Variants in PGD observed in about 807,000 individuals in gnomAD.
PGD encodes 6-phosphogluconate dehydrogenase, decarboxylating.
A neutral mutation model predicts 60.4 loss-of-function variants in PGD; 21 were observed. The ratio of observed to expected loss-of-function variants is 0.35; its 90% CI spans 0.25 to 0.50. PGD has a LOEUF of 0.50. Ranked by LOEUF, PGD falls within the 20% of genes least tolerant of loss-of-function variation. The pLI is 0.98. For missense variants in PGD, 477 were observed against 613.1 expected (o/e 0.78, Z 2.34); for synonymous variants, 230 against 235.9 (o/e 0.97, Z 0.23).
rs1331033256 is a variant in PGD, at chr1:10,418,772, T to C, written c.1110-54T>C. The C allele has an allele frequency of 7.5e-6, 6 of 798,398 alleles. No individual in the cohort carries two copies. The East Asian group carries it at 1.6e-4, about 22-fold the overall frequency. The allele number at this position is 798,398 out of a possible 1,614,324, so 49.5% of individuals were successfully genotyped here. ...CCTGGTGACAAAGCGGGACTCCGTCTCAAAAAAAAAAAAAAAAAGACTCAT... is the reference window on the plus strand; with the variant it reads ...CCTGGTGACAAAGCGGGACTCCGTCCCAAAAAAAAAAAAAAAAAGACTCAT... On this transcript the variant is annotated intron_variant, in intron 10 of 12. Coordinates refer to ENST00000270776, the MANE Select transcript of PGD (RefSeq NM_002631.4).
intron 6 of PGD, among the ~76,000 whole-genome samples, chr1:10,410,870 A>G (rs966877420): frequency 3.3e-5 from 5 of 151,760 alleles, no homozygotes; most frequent in African/African-American, 1.2e-4. Flanking sequence ...AAATATAAAT[A>G]TAATGATGGG....
At chr1:10,419,173 A>AG (rs1639646865) in intron 11 of PGD, among the ~76,000 whole-genome samples, 1 of 130,190 alleles carries the variant, frequency 7.7e-6, no homozygotes, top group Non-Finnish European at 1.6e-5. Flanking sequence ...ATACCTGGCT[A>AG]ATTTTTTTTT....
intron 8 of PGD, among the ~76,000 whole-genome samples, chr1:10,416,768 A>C (rs1010278940): frequency 6.6e-6 from 1 of 152,176 alleles, no homozygotes; most frequent in African/African-American, 2.4e-5. Context: ...AAGGAATGTC[A>C]CAAGGTTAAT....
intron 8 of PGD, 22 bp from the exon 9 acceptor site, chr1:10,416,965 T>C: frequency 1.9e-6 from 3 of 1,611,000 alleles, no homozygotes; most frequent in Non-Finnish European, 2.5e-6. Context: ...ATCTGTTTCC[T>C]CTTCCCGATC....
At chr1:10,414,597 G>A (rs924549495) in intron 8 of PGD, among the ~76,000 whole-genome samples, 6 of 151,846 alleles carry the variant, frequency 4.0e-5, no homozygotes, top group Admixed American at 3.3e-4. Flanking sequence ...GGCTGGTCTC[G>A]AACTCCTAAC....
rs776103021 is a variant in PGD at position 10,419,556 on chromosome 1, G to A, written c.1332+17G>A. The stretch of plus-strand genomic sequence containing the variant: ...CTCATCCAGGTAAGCCTGTGGAGCA[G>A]GGATTAACCTGGCTGGCCCCTCGGG... On this transcript the variant is annotated intron_variant, in intron 12 of 12. Transcript: ENST00000270776. The A allele has an allele frequency of 6.2e-7, 1 of 1,614,062 alleles. No individual in the cohort carries two copies. The highest frequency in any genetic ancestry group is 2.2e-5 in the East Asian group (1 of 44,870).
intron 6 of PGD, among the ~76,000 whole-genome samples, chr1:10,409,391 T>C (rs1272636930): frequency 6.6e-6 from 1 of 152,094 alleles, no homozygotes; most frequent in Admixed American, 6.6e-5. Flanking sequence ...CGTAAAGAGC[T>C]GAGTAATCTT....
chr1:10,407,375 A>G (rs961839120), intron 5 of PGD, among the ~76,000 whole-genome samples: 13 of 152,118 alleles, frequency 8.5e-5, no homozygotes, highest in Non-Finnish European at 1.8e-4. Flanking sequence ...ACCTAAGTCC[A>G]GGAGTTTGAG....
intron 1 of PGD, 116 bp from the exon 2 acceptor site, chr1:10,399,504 CCGCGGGAGG>C: frequency 1.1e-6 from 1 of 880,246 alleles, no homozygotes. Context: ...TTCTGGGGGC[CCGCGGGAGG>C]CGCGGAGGAA....
chr1:10,399,223 TGG>T, intron 1 of PGD, 98 bp downstream of exon 1: 1 of 1,412,320 alleles, frequency 7.1e-7, no homozygotes, highest in South Asian at 1.2e-5. Context: ...CCTCCCACCC[TGG>T]GGGTCGCCTG....
rs760691274 is a variant in PGD, at chr1:10,408,110, A to C, written c.489A>C (p.Lys163Asn). ...CCATCTTCCAAGGCATTGCTGCAAA[A>C]GTGGGAACTGGAGAACCCTGCTGTG... ...IKTIFQGIAA[K>N]VGTGEPCCDW... Residue 163 changes from lysine (K) to asparagine (N), a missense_variant, in exon 6 of 13, where the codon AAA (lysine) becomes AAC (asparagine). Transcript: ENST00000270776. 7 of 1,607,300 alleles carry C rather than the reference A, an allele frequency of 4.4e-6. No homozygotes were observed. Among genetic ancestry groups the C allele is most frequent in the Non-Finnish European group, 6.0e-6 (7 of 1,173,780 alleles).
intron 7 of PGD, among the ~76,000 whole-genome samples, chr1:10,412,560 T>A (rs949631384): frequency 6.6e-6 from 1 of 152,246 alleles, no homozygotes; most frequent in Non-Finnish European, 1.5e-5. Flanking sequence ...TTGGTATATA[T>A]AATACTTAAC....
At chr1:10,411,683 G>A in intron 7 of PGD, 131 bp downstream of exon 7, 1 of 969,922 alleles carries the variant, frequency 1.0e-6, no homozygotes, top group Non-Finnish European at 1.5e-6. Flanking sequence ...CTAATTTGAG[G>A]GAAACTGTTA....
At chr1:10,401,744 G>A (rs1249724128) in intron 3 of PGD, among the ~76,000 whole-genome samples, 3 of 152,100 alleles carry the variant, frequency 2.0e-5, no homozygotes, top group Non-Finnish European at 2.9e-5. Context: ...GGCTGGGCGC[G>A]GTGGCTCACG....
rs778373193 is a variant in PGD, at chr1:10,417,385, G to A, written c.985G>A (p.Ala329Thr). The A allele has an allele frequency of 6.2e-6, 10 of 1,610,082 alleles. No individual in the cohort carries two copies. Among genetic ancestry groups the A allele is most frequent in the African/African-American group, 2.7e-5 (2 of 74,792 alleles). Residue 329 changes from alanine to threonine, a missense_variant, in exon 10 of 13, where the codon GCT becomes ACT. Ala to Thr is a moderately conservative substitution (Grantham distance 58). Coordinates refer to ENST00000270776, the MANE Select transcript of PGD (RefSeq NM_002631.4). ...CTGTGTCACTCTTTAGGCACTCTAC[G>A]CTTCCAAGATCATCTCTTACGCTCA... is the stretch of plus-strand genomic sequence containing the variant. ...FLEDIRKALY[A>T]SKIISYAQGF...
intron 6 of PGD, among the ~76,000 whole-genome samples, chr1:10,410,128 A>C (rs1171729555): frequency 6.6e-6 from 1 of 152,092 alleles, no homozygotes; most frequent in Non-Finnish European, 1.5e-5. Flanking sequence ...CAGAGTGTCA[A>C]AATCAGAAGT....
intron 6 of PGD, 137 bp from the exon 7 acceptor site, chr1:10,411,281 C>A: frequency 1.2e-6 from 1 of 823,302 alleles, no homozygotes; most frequent in Non-Finnish European, 1.9e-6. Flanking sequence ...ATCAAAAATG[C>A]TGTACTCATT....
chr1:10,406,680 T>A (rs2102389837), intron 5 of PGD, among the ~76,000 whole-genome samples: 1 of 152,304 alleles, frequency 6.6e-6, no homozygotes, highest in Non-Finnish European at 1.5e-5. Context: ...TACCAGAAAC[T>A]TTTTGTGAGG....
At chr1:10,412,756 T>A in intron 7 of PGD, 1 of 264,236 alleles carries the variant, frequency 3.8e-6, no homozygotes. Context: ...TGGGACAAGA[T>A]CCGGTGATTG....
Sources: gnomAD v4.1 joint callset for allele counts (sites outside exome capture counted in the v4.1 genomes callset) on GRCh38, gnomAD v4.1.1 for gene constraint, MANE v1.5 for transcripts, NCBI Gene and HGNC (gene_info 2026-07-23, HGNC 2026-07-21) for gene names.